The following ZNF280D variants were observed in gnomAD, a reference collection of about 807,000 sequenced individuals.
ZNF280D encodes zinc finger protein 280D.
In ZNF280D, 39 loss-of-function variants were observed where a neutral mutation model predicts 94.7. The observed-to-expected ratio is 0.41, with a 90% CI of 0.32 to 0.54. The LOEUF is 0.54. Ranked by LOEUF, ZNF280D falls within the 20% of genes least tolerant of loss-of-function variation. The probability of loss-of-function intolerance (pLI) is 0.22; values close to 1 mark genes in which losing one functional copy is unlikely to be tolerated. For missense variants in ZNF280D, 1,090 were observed against 1,149.3 expected, an observed-to-expected ratio of 0.95 and a Z score of 0.75; for synonymous variants, 398 against 377.6, an observed-to-expected ratio of 1.05 and a Z score of -0.63.
At chr15:56,700,687 A>G (rs914610929) in intron 6 of ZNF280D, 2 of 1,421,994 alleles carry the variant, frequency 1.4e-6, no homozygotes, top group Non-Finnish European at 1.8e-6. Context: ...TTGATAGTAT[A>G]GTTTTCATTA....
intron 17 of ZNF280D, among the ~76,000 whole-genome samples, chr15:56,657,504 AC>A (rs768559930): frequency 6.6e-5 from 10 of 152,162 alleles, no homozygotes; most frequent in Non-Finnish European, 1.2e-4. Context: ...TCCTCTGGAC[AC>A]CACCTTTCCA....
intron 6 of ZNF280D, among the ~76,000 whole-genome samples, chr15:56,694,815 G>T (rs1016400536): frequency 2.0e-5 from 3 of 152,128 alleles, no homozygotes; most frequent in Non-Finnish European, 2.9e-5. Context: ...GAAAACTGAT[G>T]AAATTCCAGT....
intron 13 of ZNF280D, among the ~76,000 whole-genome samples, chr15:56,671,607 T>G (rs1316977234): frequency 6.6e-6 from 1 of 152,074 alleles, no homozygotes; most frequent in Non-Finnish European, 1.5e-5. Context: ...AATCAGGTAG[T>G]GTGATTCCTC....
At chr15:56,662,266 A>G (rs571240904) in intron 16 of ZNF280D, among the ~76,000 whole-genome samples, 7 of 152,284 alleles carry the variant, frequency 4.6e-5, no homozygotes, top group Admixed American at 3.3e-4. Context: ...ACAATAATTT[A>G]AAGAACTGAA....
rs564447452 is a variant in ZNF280D, at chr15:56,693,268, T to C, written c.382-53A>G. The C allele has an allele frequency of 2.1e-5, 12 of 567,266 alleles. No individual in the cohort carries two copies. In the South Asian group the frequency reaches 5.4e-4, roughly 26 times the overall value. The allele number at this position is 567,266 out of a possible 1,614,324, so 35.1% of individuals were successfully genotyped here. On this transcript the variant is annotated intron_variant, in intron 6 of 21. Coordinates refer to ENST00000267807, the MANE Select transcript of ZNF280D (RefSeq NM_017661.4). ...TACATTTATTCAACAGTTATAATTA[T>C]TTCAATATAATTATATATTATGTAA...
chr15:56,647,760 A>G (rs553964261), intron 19 of ZNF280D, among the ~76,000 whole-genome samples: 1 of 152,096 alleles, frequency 6.6e-6, no homozygotes, highest in Admixed American at 6.6e-5. Context: ...CGAACTCTTG[A>G]GCCCAAGTGA....
chr15:56,699,535 A>G (rs2056936755), intron 6 of ZNF280D: 1 of 842,064 alleles, frequency 1.2e-6, no homozygotes, highest in African/African-American at 1.8e-5. Context: ...TTTGTTCTTT[A>G]GACTCTTTTT....
intron 17 of ZNF280D, among the ~76,000 whole-genome samples, chr15:56,658,095 G>C (rs553829790): frequency 3.9e-4 from 59 of 152,110 alleles, no homozygotes; most frequent in Non-Finnish European, 7.6e-4. Flanking sequence ...AAGCCACAGA[G>C]GACCACATCA....
chr15:56,670,940 G>T (rs2054821318), intron 13 of ZNF280D, among the ~76,000 whole-genome samples: 1 of 152,098 alleles, frequency 6.6e-6, no homozygotes, highest in Admixed American at 6.6e-5. Flanking sequence ...CAGTGATGTT[G>T]AGTTTTTTTT....
rs780542050 is a variant in ZNF280D, at chr15:56,668,999, A to G, written c.1411-42T>C. 1.1e-5 allele frequency: 17 copies of G among 1,570,580 alleles called. No homozygotes were observed. In the South Asian group the frequency reaches 1.3e-4, roughly 12 times the overall value. ...AGAAAAAGGGGGAAAAATAATTTCA[A>G]AAACTACAAATCCTGTGTCCTGAAA... On this transcript the variant is annotated intron_variant, in intron 13 of 21. Coordinates refer to ENST00000267807, the MANE Select transcript of ZNF280D (RefSeq NM_017661.4).
chr15:56,698,741 C>G (rs1200647006), intron 6 of ZNF280D: 2 of 152,214 alleles, frequency 1.3e-5, no homozygotes, highest in Non-Finnish European at 2.9e-5. Flanking sequence ...AGGACTCACT[C>G]TCACCTGCTA....
chr15:56,668,786 C>A, intron 14 of ZNF280D, 37 bp downstream of exon 14: 3 of 1,512,600 alleles, frequency 2.0e-6, no homozygotes, highest in Non-Finnish European at 2.7e-6. Context: ...TTTCTATTAT[C>A]ATACAAAATG....
chr15:56,700,612 C>T (rs918423010), intron 6 of ZNF280D: 47 of 1,220,770 alleles, frequency 3.9e-5, no homozygotes, highest in Non-Finnish European at 4.6e-5. Context: ...TACCTGGTCC[C>T]GTCTGCAATC....
chr15:56,652,881 T>C (rs1186240209), intron 19 of ZNF280D: 2 of 983,766 alleles, frequency 2.0e-6, no homozygotes, highest in Non-Finnish European at 2.4e-6. Context: ...ACACAAAATC[T>C]GTAGAGAATT....
intron 1 of ZNF280D, among the ~76,000 whole-genome samples, chr15:56,727,452 A>G (rs1480335369): frequency 6.6e-6 from 1 of 152,156 alleles, no homozygotes; most frequent in Non-Finnish European, 1.5e-5. Context: ...AGAGCAAGAC[A>G]CGGTCTCAAA....
intron 10 of ZNF280D, among the ~76,000 whole-genome samples, 173 bp downstream of exon 10, chr15:56,682,081 T>C (rs768777033): frequency 1.2e-4 from 18 of 152,014 alleles, no homozygotes; most frequent in Non-Finnish European, 2.4e-4. Flanking sequence ...AGAGTCAAAC[T>C]CCACAACACA....
At chr15:56,643,075 G>T in intron 19 of ZNF280D, 78 bp from the exon 20 acceptor site, 3 of 913,082 alleles carry the variant, frequency 3.3e-6, no homozygotes, top group South Asian at 2.5e-5. Context: ...TTCTCTGCCA[G>T]CCTAAAATAA....
chr15:56,701,126 G>A (rs1194587140), intron 5 of ZNF280D, 47 bp downstream of exon 5: 2 of 1,609,680 alleles, frequency 1.2e-6, no homozygotes, highest in Non-Finnish European at 1.7e-6. Flanking sequence ...AATCAATTTT[G>A]TCAAAATACT....
At chr15:56,685,389 G>T (rs1359829999) in intron 9 of ZNF280D, among the ~76,000 whole-genome samples, 1 of 147,094 alleles carries the variant, frequency 6.8e-6, no homozygotes, top group Admixed American at 7.6e-5. Context: ...AATGTCATAT[G>T]CCCTGACAAT....
Sources: allele counts gnomAD v4.1 joint callset (sites outside exome capture counted in the v4.1 genomes callset), GRCh38; gene constraint gnomAD v4.1.1; transcripts MANE v1.5; gene names NCBI Gene and HGNC (gene_info 2026-07-23, HGNC 2026-07-21).